TMC5: variants seen among roughly 807,000 people sequenced by gnomAD.
The protein encoded by TMC5 is transmembrane channel-like protein 5.
A neutral mutation model predicts 110.5 loss-of-function variants in TMC5; 86 were observed. The ratio of observed to expected loss-of-function variants is 0.78; its 90% confidence interval spans 0.65 to 0.93. The LOEUF is 0.93. Ranked by LOEUF, TMC5 falls within the 40% of genes least tolerant of loss-of-function variation. The pLI is 0.00. For missense variants in TMC5, 1,144 were observed against 1,222.8 expected, an observed-to-expected ratio of 0.94 and a Z score of 0.96; for synonymous variants, 455 against 439.5, an observed-to-expected ratio of 1.04 and a Z score of -0.44.
intron 1 of TMC5, among the ~76,000 whole-genome samples, chr16:19,430,196 C>G (rs1269833462): frequency 1.2e-4 from 18 of 152,156 alleles, no homozygotes; most frequent in Non-Finnish European, 1.3e-4. Context: ...AAAACAAATG[C>G]AAGTCTGGAA....
chr16:19,463,403 A>G, intron 7 of TMC5, 36 bp downstream of exon 7: 1 of 1,500,454 alleles, frequency 6.7e-7, no homozygotes, highest in South Asian at 1.1e-5. Context: ...AGAGGGTGAA[A>G]ACAGGGAGGG....
At chr16:19,470,721 TAAAAAAAAAAAAA>T (rs60087070) in intron 10 of TMC5, among the ~76,000 whole-genome samples, 2 of 41,306 alleles carry the variant, frequency 4.8e-5, no homozygotes, top group African/African-American at 7.9e-5. Flanking sequence ...ACAAACTTAT[TAAAAAAAAAAAAA>T]AAAAAAAAAA....
rs1381722595 is a variant in TMC5, at chr16:19,469,762, C to T, written c.1719C>T (p.Asp573=). 1 of 1,614,200 alleles carries T rather than the reference C, an allele frequency of 6.2e-7. No homozygotes were observed. The highest frequency in any genetic ancestry group is 8.5e-7 in the Non-Finnish European group (1 of 1,180,008). The change falls in exon 10 of 22, where the codon GAC becomes GAT. Residue 573 remains aspartate, a synonymous_variant. Transcript: ENST00000542583. ...GGITKLIFCW[D]FTVTHEKAVK... is the part of the protein sequence containing the mutation. ...TCACCAAGCTGATCTTTTGCTGGGA[C>T]TTCACTGTCACTCATGAAAAAGCTG...
Position 19,492,194 on chromosome 16 carries a change from T to C in TMC5, c.2792T>C (p.Ile931Thr). The change falls in exon 19 of 22, where the codon ATT (isoleucine) becomes ACT (threonine). Residue 931 changes from isoleucine to threonine, a missense_variant. Ile to Thr is a moderately conservative substitution (Grantham distance 89). Transcript: ENST00000542583. The stretch of plus-strand genomic sequence containing the variant: ...TGGCAGATCACAGAGGGAAGGAAGA[T>C]TATGATAAGGCTGCTCCATGAGCAG... ...LYWQITEGRK[I>T]MIRLLHEQII... The C allele has an allele frequency of 6.2e-7, 1 of 1,613,802 alleles. No homozygotes were observed. Among genetic ancestry groups the C allele is most frequent in the Non-Finnish European group, 8.5e-7 (1 of 1,179,772 alleles).
intron 12 of TMC5, among the ~76,000 whole-genome samples, chr16:19,476,573 G>A (rs1968495048): frequency 6.6e-6 from 1 of 152,106 alleles, no homozygotes; most frequent in Non-Finnish European, 1.5e-5. Context: ...AAAGACTGAG[G>A]GGGATGATTC....
chr16:19,436,295 A>AAAAAGAAAG lies in TMC5; in HGVS notation c.-79-3665_-79-3664insAAAAGAAAG, dbSNP rs1491247478. Among the ~76,000 whole-genome samples the AAAAAGAAAG allele has an allele frequency of 2.0e-3, 304 of 150,700 alleles. 2 individuals are homozygous for AAAAAGAAAG. The highest frequency in any genetic ancestry group is 7.1e-3 in the African/African-American group (290 of 40,754). On this transcript the variant is annotated intron_variant, in intron 2 of 21. Coordinates refer to ENST00000542583, the MANE Select transcript of TMC5 (RefSeq NM_001261841.2). ...AAAGAAAAAAAAAAAGAAAGGAAAA[A>AAAAAGAAAG]GAAAAAGAAAAACAGTTTCCGTGAA...
Position 19,440,819 on chromosome 16 carries a change from AC to A in TMC5, c.783del (p.Arg262GlyfsTer59). Reference sequence around the variant, plus strand: ...TGGCTCTTCTGAGACCCCAAAGATGACCAGGGGGTAAGTTCAGATATATATC... The same window carrying A: ...TGGCTCTTCTGAGACCCCAAAGATGACAGGGGGTAAGTTCAGATATATATC... ...DYGSSETPKM[T>X]RGVLSRTSSI... On this transcript the variant is annotated frameshift_variant, in exon 3 of 22. Coordinates refer to ENST00000542583, the MANE Select transcript of TMC5 (RefSeq NM_001261841.2). LOFTEE classifies it high-confidence loss of function. 6.2e-7 allele frequency: 1 copy of A among 1,612,188 alleles called. No homozygotes were observed. Among genetic ancestry groups the A allele is most frequent in the Non-Finnish European group, 8.5e-7 (1 of 1,179,402 alleles).
intron 13 of TMC5, 141 bp from the exon 14 acceptor site, chr16:19,479,281 TCAGAGTGGG>T: frequency 4.2e-6 from 3 of 709,108 alleles, no homozygotes; most frequent in Admixed American, 4.4e-5. Flanking sequence ...CTGCATTTTT[TCAGAGTGGG>T]TCTACTTTTT....
At chr16:19,494,439 T>A in intron 20 of TMC5, 73 bp downstream of exon 20, 1 of 970,136 alleles carries the variant, frequency 1.0e-6, no homozygotes, top group Non-Finnish European at 1.6e-6. Context: ...GTCAGAGAAC[T>A]ACAGACCAAG....
At chr16:19,490,731 CT>C (rs1968867710) in intron 18 of TMC5, among the ~76,000 whole-genome samples, 163 bp downstream of exon 18, 1 of 57,774 alleles carries the variant, frequency 1.7e-5, no homozygotes, top group Non-Finnish European at 6.5e-5. Flanking sequence ...TCCTTCCTTC[CT>C]TCCTTCCTTC....
chr16:19,453,789 A>G (rs1156924783), intron 5 of TMC5, among the ~76,000 whole-genome samples: 2 of 152,096 alleles, frequency 1.3e-5, no homozygotes, highest in African/African-American at 4.8e-5. Context: ...AAAGAAAAAC[A>G]AAAGATAGCC....
intron 19 of TMC5, among the ~76,000 whole-genome samples, chr16:19,493,463 C>CTTTCTCTCTCTCTT (rs1555486904): frequency 5.2e-5 from 3 of 58,016 alleles, no homozygotes; most frequent in African/African-American, 1.0e-4. Flanking sequence ...CTCTCTCTCT[C>CTTTCTCTCTCTCTT]TCTTTTTTTT....
intron 9 of TMC5, among the ~76,000 whole-genome samples, chr16:19,468,897 C>T (rs904851089): frequency 2.0e-5 from 3 of 152,136 alleles, no homozygotes; most frequent in African/African-American, 7.2e-5. Flanking sequence ...GAGGCTGTGG[C>T]GTGAGGATGG....
intron 5 of TMC5, chr16:19,456,496 C>T: frequency 7.8e-7 from 1 of 1,283,156 alleles, no homozygotes; most frequent in South Asian, 2.6e-5. Flanking sequence ...GAAAACTCCT[C>T]AGGGGTTAGA....
rs530297810 is a variant in TMC5 at position 19,449,540 on chromosome 16, A to G, written c.959-2A>G. 1.9e-6 allele frequency: 3 copies of G among 1,613,848 alleles called. No individual in the cohort carries two copies. Among genetic ancestry groups the G allele is most frequent in the South Asian group, 2.2e-5 (2 of 91,068 alleles). Reference sequence around the variant, plus strand: ...GCAATATCTCCTTCCTCTTCCCTCCAGTGAACCCTGCTTATGTAGGTGAAA... The same window carrying G: ...GCAATATCTCCTTCCTCTTCCCTCCGGTGAACCCTGCTTATGTAGGTGAAA... On this transcript the variant is annotated splice_acceptor_variant, in intron 4 of 21. Coordinates refer to ENST00000542583, the MANE Select transcript of TMC5 (RefSeq NM_001261841.2). LOFTEE classifies it high-confidence loss of function.
chr16:19,417,112 A>AAAAG (rs1421796008), upstream of TMC5, among the ~76,000 whole-genome samples: 30 of 149,738 alleles, frequency 2.0e-4, no homozygotes, highest in Admixed American at 4.0e-4. Context: ...AAAAAAAAAA[A>AAAAG]AAGAAGAAAA....
intron 2 of TMC5, among the ~76,000 whole-genome samples, chr16:19,437,018 T>C (rs1195449331): frequency 6.6e-6 from 1 of 151,992 alleles, no homozygotes; most frequent in Non-Finnish European, 1.5e-5. Context: ...TCTATAAAAA[T>C]ACAAAAATTA....
At chr16:19,412,457 C>T (rs941586000) in intron 1 of TMC5, among the ~76,000 whole-genome samples, 16 of 152,014 alleles carry the variant, frequency 1.1e-4, no homozygotes, top group Non-Finnish European at 2.4e-4. Context: ...CCGCTGTCTC[C>T]CAGGTTCAAG....
In TMC5 at chr16:19,463,999, C is replaced by T; in HGVS notation, c.1460C>T (p.Thr487Ile). 6.2e-7 allele frequency: 1 copy of T among 1,614,158 alleles called. No individual in the cohort carries two copies. Among genetic ancestry groups the T allele is most frequent in the Non-Finnish European group, 8.5e-7 (1 of 1,180,012 alleles). Residue 487 changes from threonine (T) to isoleucine (I), a missense_variant, in exon 8 of 22, where the codon ACT (threonine) becomes ATT (isoleucine). Thr to Ile is a moderately conservative substitution (Grantham distance 89). Transcript: ENST00000542583. ...TVAKKNTLQF[T>I]GLEFFTGVGY... ...GCCAAAAAGAACACCCTCCAGTTCACTGGGCTGGAGTTTTTCACTGGGGTG... is the reference window on the plus strand; with the variant it reads ...GCCAAAAAGAACACCCTCCAGTTCATTGGGCTGGAGTTTTTCACTGGGGTG...
Sources: allele counts gnomAD v4.1 joint callset (sites outside exome capture counted in the v4.1 genomes callset), GRCh38; gene constraint gnomAD v4.1.1; transcripts MANE v1.5; gene names NCBI Gene and HGNC (gene_info 2026-07-23, HGNC 2026-07-21).